TMEM232: variants seen among roughly 807,000 people sequenced by gnomAD.
The protein encoded by TMEM232 is transmembrane protein 232.
A neutral mutation model predicts 78.8 loss-of-function variants in TMEM232; 80 were observed. That is an observed-to-expected ratio of 1.01 (90% confidence interval 0.85 to 1.22). The LOEUF (loss-of-function observed/expected upper bound fraction) is 1.22, where lower values mean the gene tolerates loss of function less well. Ranked by LOEUF, TMEM232 falls within the 50% of genes most tolerant of loss-of-function variation. The pLI, the probability that TMEM232 is intolerant of heterozygous loss-of-function variation, is 0.00. For synonymous variants in TMEM232, 297 were observed against 254.3 expected (o/e 1.17, Z -1.60); for missense variants, 881 against 742.2 (o/e 1.19, Z -2.17).
intron 12 of TMEM232, among the ~76,000 whole-genome samples, chr5:110,505,924 G>A (rs1480259131): frequency 2.0e-5 from 3 of 152,124 alleles, no homozygotes; most frequent in African/African-American, 7.2e-5. Context: ...TCAAGGGGAG[G>A]AGAAGGAAGT....
At chr5:110,672,217 A>T (rs78324583) in intron 1 of TMEM232, among the ~76,000 whole-genome samples, 24 of 152,270 alleles carry the variant, frequency 1.6e-4, no homozygotes, top group Admixed American at 3.9e-4. Flanking sequence ...ATTATCTTTT[A>T]ATCACTGAAC....
At chr5:110,559,188 A>C (rs1399991435) in intron 11 of TMEM232, among the ~76,000 whole-genome samples, 6 of 152,296 alleles carry the variant, frequency 3.9e-5, no homozygotes, top group Non-Finnish European at 7.4e-5. Context: ...TACACAAAAA[A>C]AATCAATTTC....
intron 11 of TMEM232, among the ~76,000 whole-genome samples, chr5:110,529,829 A>C (rs1183954029): frequency 2.0e-5 from 3 of 152,210 alleles, no homozygotes; most frequent in Non-Finnish European, 4.4e-5. Context: ...GGCAGGAATC[A>C]GCAATAATAA....
In TMEM232 at chr5:110,424,922, A is replaced by G. The variant is rs1177276512; in HGVS notation, c.1704-6T>C. ...CTGATACAGAAGGATGTTCCCTTCA[A>G]AAGAGCACAAGAACAAATCCAACAT... On this transcript the variant is annotated splice_region_variant and splice_polypyrimidine_tract_variant and intron_variant, in intron 12 of 13. Transcript: ENST00000455884. 1.3e-6 allele frequency: 2 copies of G among 1,544,070 alleles called. No individual in the cohort carries two copies. The highest frequency in any genetic ancestry group is 4.9e-5 in the East Asian group (2 of 40,750).
chr5:110,406,297 CACACACACAT>C (rs1391588914), intron 2 of TMEM232, among the ~76,000 whole-genome samples: 7 of 149,710 alleles, frequency 4.7e-5, no homozygotes, highest in African/African-American at 1.5e-4. Flanking sequence ...CACACACACA[CACACACACAT>C]ATGTGTCTAT....
chr5:110,641,621 T>C (rs1044026316), intron 3 of TMEM232, among the ~76,000 whole-genome samples: 2 of 152,182 alleles, frequency 1.3e-5, no homozygotes, highest in Admixed American at 6.6e-5. Context: ...AGCCATGAAC[T>C]GGAAAATAAC....
At chr5:110,709,033 GA>G (rs1238987754) in intron 1 of TMEM232, among the ~76,000 whole-genome samples, 1 of 152,038 alleles carries the variant, frequency 6.6e-6, no homozygotes, top group Non-Finnish European at 1.5e-5. Context: ...TAAAGAGATG[GA>G]AAAAAGATAT....
chr5:110,464,752 A>C (rs2149361253), intron 12 of TMEM232, among the ~76,000 whole-genome samples: 1 of 152,316 alleles, frequency 6.6e-6, no homozygotes, highest in Admixed American at 6.5e-5. Flanking sequence ...GAATCACCAT[A>C]GCATTTGGAA....
chr5:110,730,962 C>T (rs970797712), upstream of TMEM232, among the ~76,000 whole-genome samples: 7 of 152,182 alleles, frequency 4.6e-5, no homozygotes, highest in African/African-American at 1.7e-4. Context: ...TCATCTGCAA[C>T]AAGCCAAGTC....
At chr5:110,583,468 G>T in intron 10 of TMEM232, among the ~76,000 whole-genome samples, 1 of 151,788 alleles carries the variant, frequency 6.6e-6, no homozygotes, top group Non-Finnish European at 1.5e-5. Context: ...AGACCCTTAT[G>T]CTATACACAA....
chr5:110,659,389 C>G (rs909604876), intron 2 of TMEM232, among the ~76,000 whole-genome samples: 10 of 152,032 alleles, frequency 6.6e-5, no homozygotes, highest in Admixed American at 5.3e-4. Context: ...CCTAGACAAA[C>G]ATAGATTGTT....
intron 3 of TMEM232, among the ~76,000 whole-genome samples, chr5:110,641,983 T>C (rs1561439214): frequency 6.6e-6 from 1 of 152,030 alleles, no homozygotes; most frequent in African/African-American, 2.4e-5. Flanking sequence ...TTAACTTTTT[T>C]TAAAAAAATA....
intron 2 of TMEM232, among the ~76,000 whole-genome samples, chr5:110,733,795 G>C (rs1038340357): frequency 1.3e-5 from 2 of 152,096 alleles, no homozygotes; most frequent in East Asian, 3.8e-4. Context: ...CATAAATTTA[G>C]CTACATAATA....
At chr5:110,530,574 A>T (rs189850335) in intron 11 of TMEM232, among the ~76,000 whole-genome samples, 1 of 152,330 alleles carries the variant, frequency 6.6e-6, no homozygotes, top group Admixed American at 6.5e-5. Context: ...TACCATTTGT[A>T]ACAACATGGA....
intron 12 of TMEM232, among the ~76,000 whole-genome samples, chr5:110,476,702 C>T (rs1466448737): frequency 6.6e-6 from 1 of 151,986 alleles, no homozygotes; most frequent in Non-Finnish European, 1.5e-5. Context: ...TAATGACAAA[C>T]AGTACCTCAA....
intron 10 of TMEM232, among the ~76,000 whole-genome samples, chr5:110,580,880 T>A (rs1778130966): frequency 6.6e-6 from 1 of 151,396 alleles, no homozygotes; most frequent in South Asian, 2.1e-4. Context: ...TAATAGTGGA[T>A]GAGAGCCAAA....
At chr5:110,518,062 A>G (rs1262636095) in intron 12 of TMEM232, among the ~76,000 whole-genome samples, 1 of 150,412 alleles carries the variant, frequency 6.6e-6, no homozygotes, top group African/African-American at 2.5e-5. Context: ...TTTCAACTTT[A>G]TTTCTGCTTA....
intron 12 of TMEM232, among the ~76,000 whole-genome samples, chr5:110,518,067 T>C (rs2149490942): frequency 1.3e-5 from 2 of 152,260 alleles, no homozygotes; most frequent in East Asian, 1.9e-4. Flanking sequence ...ACTTTATTTC[T>C]GCTTATTGCT....
At chr5:110,702,027 A>AG (rs1795484623) in intron 1 of TMEM232, among the ~76,000 whole-genome samples, 1 of 152,012 alleles carries the variant, frequency 6.6e-6, no homozygotes, top group Non-Finnish European at 1.5e-5. Context: ...TAGACAGCTA[A>AG]GGGGGGTTTT....
Sources: allele counts gnomAD v4.1 joint callset (sites outside exome capture counted in the v4.1 genomes callset), GRCh38; gene constraint gnomAD v4.1.1; transcripts MANE v1.5; gene names NCBI Gene and HGNC (gene_info 2026-07-23, HGNC 2026-07-21).